ROBO2: variants seen among roughly 807,000 people sequenced by gnomAD.
The protein encoded by ROBO2 is roundabout homolog 2.
Under a neutral mutation model 160.8 loss-of-function variants are expected in ROBO2, and 53 were observed. The ratio of observed to expected loss-of-function variants is 0.33; its 90% CI spans 0.26 to 0.41. The LOEUF (loss-of-function observed/expected upper bound fraction) is 0.41. Ranked by LOEUF, ROBO2 falls within the 10% of genes least tolerant of loss-of-function variation. ROBO2 has a pLI of 1.00. For synonymous variants in ROBO2, 664 were observed against 611.7 expected, an observed-to-expected ratio of 1.09 and a Z score of -1.26; for missense variants, 1,577 against 1,722.4, an observed-to-expected ratio of 0.92 and a Z score of 1.49.
intron 2 of ROBO2, among the ~76,000 whole-genome samples, chr3:76,708,183 T>C (rs2093210991): frequency 6.6e-6 from 1 of 152,198 alleles, no homozygotes; most frequent in South Asian, 2.1e-4. Context: ...CCAGTTTTCT[T>C]TGCCTAGAAT....
chr3:76,031,814 C>A (rs1190755766), intron 2 of ROBO2, among the ~76,000 whole-genome samples: 1 of 151,894 alleles, frequency 6.6e-6, no homozygotes, highest in Admixed American at 6.6e-5. Flanking sequence ...GGATATTGGT[C>A]TAAAATTCTC....
intron 2 of ROBO2, among the ~76,000 whole-genome samples, chr3:77,365,074 G>A (rs1257252583): frequency 6.6e-6 from 1 of 151,472 alleles, no homozygotes; most frequent in Non-Finnish European, 1.5e-5. Flanking sequence ...GAACCCAGGA[G>A]GAGGAGGTTG....
At chr3:76,666,094 G>T (rs911426749) in intron 2 of ROBO2, among the ~76,000 whole-genome samples, 1 of 146,514 alleles carries the variant, frequency 6.8e-6, no homozygotes, top group Non-Finnish European at 1.5e-5. Flanking sequence ...TCTCCATTTT[G>T]TTTCCCTTTC....
chr3:76,319,906 T>C (rs1288572330), intron 2 of ROBO2, among the ~76,000 whole-genome samples: 1 of 152,042 alleles, frequency 6.6e-6, no homozygotes, highest in Non-Finnish European at 1.5e-5. Flanking sequence ...GTGTGTGGCA[T>C]GGTGATATGG....
chr3:76,408,168 TGAG>T (rs1275650849), intron 2 of ROBO2, among the ~76,000 whole-genome samples: 1 of 152,066 alleles, frequency 6.6e-6, no homozygotes, highest in Non-Finnish European at 1.5e-5. Flanking sequence ...AATGTTTGCT[TGAG>T]AATAGATTCA....
chr3:76,732,684 G>C lies in ROBO2; in HGVS notation c.110-365330G>C, dbSNP rs1020359912. Among the ~76,000 whole-genome samples the C allele has an allele frequency of 2.6e-5, 4 of 152,286 alleles. No individual in the cohort carries two copies. The East Asian group carries it at 5.8e-4, about 22-fold the overall frequency. ...AAGAAAGAAAGGAACACAAGCATTA[G>C]TAAGTGATGAAGCGGTCTGAGTGTG... On this transcript the variant is annotated intron_variant, in intron 2 of 26. Coordinates refer to the ROBO2 transcript ENST00000487694.
At chr3:76,453,463 G>A (rs930196120) in intron 2 of ROBO2, among the ~76,000 whole-genome samples, 11 of 152,044 alleles carry the variant, frequency 7.2e-5, no homozygotes, top group African/African-American at 2.7e-4. Context: ...TTTGTCTCAG[G>A]TTTGTCAAAG....
rs77338109 is a variant in ROBO2, at chr3:77,294,254, T to A, written c.389-183160T>A. ...CACCCCGGACATAAAGTAAAATTGA[T>A]GGTTAAACGGGAAGTTGAGGCTAGA... On this transcript the variant is annotated intron_variant, in intron 2 of 25. Coordinates refer to ENST00000461745, the Ensembl canonical transcript of ROBO2. Among the ~76,000 whole-genome samples the A allele has an allele frequency of 3.9e-5, 4 of 102,976 alleles. 1 individual carries two copies. The Admixed American group carries it at 5.0e-4, about 13-fold the overall frequency. The allele number at this position is 102,976 out of a possible 152,430, so 67.6% of individuals were successfully genotyped here. A position where few individuals can be genotyped will look rare whatever the true frequency, so the allele number is the denominator to read the frequency against.
intron 2 of ROBO2, among the ~76,000 whole-genome samples, chr3:76,033,160 A>C (rs948793964): frequency 6.6e-6 from 1 of 151,770 alleles, no homozygotes; most frequent in Non-Finnish European, 1.5e-5. Flanking sequence ...CTCAGGGGGG[A>C]AAAATATGGT....
chr3:76,794,450 GA>G (rs2063559524), intron 2 of ROBO2, among the ~76,000 whole-genome samples: 1 of 151,780 alleles, frequency 6.6e-6, no homozygotes, highest in South Asian at 2.1e-4. Flanking sequence ...CTAATTTCAA[GA>G]AGAAGTTCTA....
intron 2 of ROBO2, among the ~76,000 whole-genome samples, chr3:76,221,514 G>A (rs1013035609): frequency 2.0e-5 from 3 of 152,172 alleles, no homozygotes; most frequent in East Asian, 1.9e-4. Context: ...CATTTTCCAC[G>A]CTTTGATTCC....
At chr3:76,601,687 T>C (rs1304568724) in intron 2 of ROBO2, among the ~76,000 whole-genome samples, 1 of 152,184 alleles carries the variant, frequency 6.6e-6, no homozygotes, top group Non-Finnish European at 1.5e-5. Context: ...CTCCTAGGCC[T>C]CCAGGCCTGT....
chr3:77,047,999 A>G (rs901173932), intron 1 of ROBO2, among the ~76,000 whole-genome samples: 1 of 152,116 alleles, frequency 6.6e-6, no homozygotes, highest in African/African-American at 2.4e-5. Context: ...GTGAGCCGAG[A>G]TCGCGCCACT....
chr3:76,504,259 T>A (rs2080648388), intron 2 of ROBO2, among the ~76,000 whole-genome samples: 1 of 152,200 alleles, frequency 6.6e-6, no homozygotes, highest in East Asian at 1.9e-4. Context: ...GTTGTACACT[T>A]TCATGAGTGC....
chr3:76,879,105 T>C (rs986528478), intron 2 of ROBO2, among the ~76,000 whole-genome samples: 6 of 152,290 alleles, frequency 3.9e-5, no homozygotes, highest in African/African-American at 1.4e-4. Context: ...AAAAGATTCA[T>C]CAGGTGATTT....
intron 2 of ROBO2, among the ~76,000 whole-genome samples, chr3:77,284,589 C>A (rs1300839681): frequency 6.6e-6 from 1 of 152,086 alleles, no homozygotes; most frequent in African/African-American, 2.4e-5. Flanking sequence ...TTCATCTTCA[C>A]TAGTCAAACA....
chr3:77,406,369 A>G (rs1217804234), intron 2 of ROBO2, among the ~76,000 whole-genome samples: 3 of 152,278 alleles, frequency 2.0e-5, no homozygotes, highest in South Asian at 2.1e-4. Flanking sequence ...TCTCCAGAAT[A>G]TTTGTGTTGT....
intron 2 of ROBO2, among the ~76,000 whole-genome samples, chr3:76,216,397 G>T (rs1703532570): frequency 6.6e-6 from 1 of 152,132 alleles, no homozygotes; most frequent in African/African-American, 2.4e-5. Flanking sequence ...CCATCAGTGT[G>T]CTGTATTCAG....
At chr3:76,461,959 G>T (rs1169530521) in intron 2 of ROBO2, among the ~76,000 whole-genome samples, 1 of 152,056 alleles carries the variant, frequency 6.6e-6, no homozygotes, top group Non-Finnish European at 1.5e-5. Flanking sequence ...ACCAGATTAA[G>T]TCCCTTCAGC....
Sources: gnomAD v4.1 joint callset for allele counts (sites outside exome capture counted in the v4.1 genomes callset) on GRCh38, gnomAD v4.1.1 for gene constraint, MANE v1.5 for transcripts, NCBI Gene and HGNC (gene_info 2026-07-23, HGNC 2026-07-21) for gene names.